YTHDC2: variants seen among roughly 807,000 people sequenced by gnomAD.
YTHDC2 encodes YTH N6-methyladenosine RNA binding protein C2.
In YTHDC2, 45 loss-of-function variants were observed where a neutral mutation model predicts 174.9. The observed-to-expected ratio is 0.26, with a 90% CI of 0.20 to 0.33. The LOEUF (loss-of-function observed/expected upper bound fraction) is 0.33, where lower values mean the gene tolerates loss of function less well. Ranked by LOEUF, YTHDC2 falls within the 10% of genes least tolerant of loss-of-function variation. YTHDC2 has a pLI of 1.00. For synonymous variants in YTHDC2, 657 were observed against 574.5 expected, an observed-to-expected ratio of 1.14 and a Z score of -2.05; for missense variants, 1,650 against 1,723.7, an observed-to-expected ratio of 0.96 and a Z score of 0.76.
chr5:113,562,350 A>G (rs1411017771), intron 18 of YTHDC2, among the ~76,000 whole-genome samples: 1 of 149,540 alleles, frequency 6.7e-6, no homozygotes, highest in Non-Finnish European at 1.5e-5. Context: ...GAAGATTAGC[A>G]GAATGCATTT....
chr5:113,573,629 T>C (rs571238321), intron 23 of YTHDC2, among the ~76,000 whole-genome samples: 18 of 152,324 alleles, frequency 1.2e-4, no homozygotes, highest in African/African-American at 4.1e-4. Flanking sequence ...AGCCTCTTTA[T>C]ATAATCCCAT....
At chr5:113,578,626 C>T (rs1423353384) in intron 23 of YTHDC2, among the ~76,000 whole-genome samples, 1 of 151,890 alleles carries the variant, frequency 6.6e-6, no homozygotes, top group African/African-American at 2.4e-5. Context: ...GGAGGCTGAC[C>T]TGTAGGGTTT....
intron 23 of YTHDC2, among the ~76,000 whole-genome samples, chr5:113,569,861 C>G (rs1218013156): frequency 1.3e-5 from 2 of 152,048 alleles, no homozygotes; most frequent in African/African-American, 4.8e-5. Context: ...GAAATCGTTT[C>G]TTCTAAGTCT....
At chr5:113,548,842 A>AT (rs1776060771) in intron 11 of YTHDC2, 113 bp from the exon 12 acceptor site, 4 of 1,176,578 alleles carry the variant, frequency 3.4e-6, no homozygotes, top group African/African-American at 1.6e-5. Context: ...AATTTATCTT[A>AT]TTTTTTATTT....
At chr5:113,574,382 A>G (rs1300603915) in intron 23 of YTHDC2, among the ~76,000 whole-genome samples, 1 of 152,098 alleles carries the variant, frequency 6.6e-6, no homozygotes, top group African/African-American at 2.4e-5. Flanking sequence ...GCCCACATGC[A>G]TCTGTAGGAG....
At chr5:113,514,717 G>T (rs1258923107) in intron 1 of YTHDC2, among the ~76,000 whole-genome samples, 1 of 151,944 alleles carries the variant, frequency 6.6e-6, no homozygotes, top group Non-Finnish European at 1.5e-5. Context: ...GTCCAAAACG[G>T]GGAATGTTCT....
Position 113,591,055 on chromosome 5 carries a change from T to C in YTHDC2, c.3840T>C (p.Pro1280=), listed in dbSNP as rs760934787. 2.5e-6 allele frequency: 4 copies of C among 1,613,694 alleles called. No individual in the cohort carries two copies. In the Admixed American group the frequency reaches 5.0e-5, roughly 20 times the overall value. ...TTCTTTTATAGGGCTCAAAATCTCC[T>C]TCGCCAAGACCAAACATGCCTGTTC... is the stretch of plus-strand genomic sequence containing the variant. ...PPSSGKGSKS[P]SPRPNMPVRY... is the part of the protein sequence containing the mutation. Residue 1280 remains proline, a synonymous_variant, in exon 27 of 30, where the codon CCT becomes CCC. Coordinates refer to ENST00000161863, the MANE Select transcript of YTHDC2 (RefSeq NM_022828.5).
chr5:113,526,945 A>T (rs984944075), intron 4 of YTHDC2, among the ~76,000 whole-genome samples, 160 bp downstream of exon 4: 5 of 151,720 alleles, frequency 3.3e-5, no homozygotes, highest in African/African-American at 1.2e-4. Context: ...TTATTTCAGA[A>T]GTAAATTACT....
chr5:113,576,803 A>T (rs1282351957), intron 23 of YTHDC2, among the ~76,000 whole-genome samples: 1 of 149,312 alleles, frequency 6.7e-6, no homozygotes. Context: ...TTTTTCTGTC[A>T]TGTTTAAGTC....
intron 5 of YTHDC2, among the ~76,000 whole-genome samples, chr5:113,533,664 G>A (rs928611509): frequency 6.6e-6 from 1 of 152,152 alleles, no homozygotes; most frequent in African/African-American, 2.4e-5. Context: ...GTACAGGTTT[G>A]ATGTGAAGTT....
At position 113,542,743 on chromosome 5, in the gene YTHDC2, G is replaced by A. The variant is rs1580533744; in HGVS notation, c.1495+240G>A. On this transcript the variant is annotated intron_variant, in intron 10 of 29. Transcript: ENST00000161863. ...TCTCCATTGCAGTTTGAAGAGCTGT[G>A]TGATTACATGACAATTATGTGCAAA... 3.3e-5 allele frequency among the ~76,000 whole-genome samples: 5 copies of A among 152,312 alleles called. 1 individual carries two copies. Among genetic ancestry groups the A allele is most frequent in the Admixed American group, 3.3e-4 (5 of 15,304 alleles).
intron 26 of YTHDC2, among the ~76,000 whole-genome samples, chr5:113,590,648 G>GCC (rs1340785080): frequency 1.2e-4 from 19 of 152,168 alleles, no homozygotes; most frequent in African/African-American, 4.3e-4. Context: ...GTGTCTTTCT[G>GCC]CACAACTTAA....
intron 4 of YTHDC2, among the ~76,000 whole-genome samples, chr5:113,531,673 C>T (rs1774680145): frequency 6.6e-6 from 1 of 151,862 alleles, no homozygotes; most frequent in African/African-American, 2.4e-5. Context: ...GACCGAGCCC[C>T]CACATCTGGA....
intron 4 of YTHDC2, among the ~76,000 whole-genome samples, chr5:113,528,224 A>G (rs1158747616): frequency 6.6e-6 from 1 of 152,142 alleles, no homozygotes; most frequent in Non-Finnish European, 1.5e-5. Context: ...TATGTGTATC[A>G]TTTTACTAGA....
intron 4 of YTHDC2, 26 bp downstream of exon 4, chr5:113,526,811 GAAAAAAA>G (rs58260423): frequency 8.1e-5 from 21 of 259,450 alleles, no homozygotes; most frequent in Non-Finnish European, 1.1e-4. Context: ...GTTGTTTATA[GAAAAAAA>G]AAAAAAAAAT....
chr5:113,556,784 C>G (rs1265263993), intron 17 of YTHDC2, among the ~76,000 whole-genome samples: 3 of 152,140 alleles, frequency 2.0e-5, no homozygotes, highest in African/African-American at 7.2e-5. Context: ...TTCCACTTGT[C>G]ATAATTTATC....
In YTHDC2 at chr5:113,524,969, A is replaced by G. The variant is rs1774116667; in HGVS notation, c.279-12A>G. On this transcript the variant is annotated splice_polypyrimidine_tract_variant and intron_variant, in intron 2 of 29. Transcript: ENST00000161863. Reference sequence around the variant, plus strand: ...TTTATATAGTAAATAAATGATTTTTATTAATATTCAGAAAGGGAGCAAATA... The same window carrying G: ...TTTATATAGTAAATAAATGATTTTTGTTAATATTCAGAAAGGGAGCAAATA... 1 of 1,556,720 alleles carries G rather than the reference A, an allele frequency of 6.4e-7. No homozygotes were observed. Among genetic ancestry groups the G allele is most frequent in the Non-Finnish European group, 8.7e-7 (1 of 1,154,464 alleles).
chr5:113,527,210 G>A (rs1463986362), intron 4 of YTHDC2, among the ~76,000 whole-genome samples: 1 of 152,102 alleles, frequency 6.6e-6, no homozygotes, highest in Non-Finnish European at 1.5e-5. Context: ...TTCACAGTGA[G>A]GTGTAGAGAT....
intron 13 of YTHDC2, 105 bp downstream of exon 13, chr5:113,553,464 A>T: frequency 7.1e-7 from 1 of 1,410,428 alleles, no homozygotes; most frequent in Non-Finnish European, 9.6e-7. Context: ...TAGTAAGTGA[A>T]TAATCTCCTG....
Sources: allele counts gnomAD v4.1 joint callset (sites outside exome capture counted in the v4.1 genomes callset), GRCh38; gene constraint gnomAD v4.1.1; transcripts MANE v1.5; gene names NCBI Gene and HGNC (gene_info 2026-07-23, HGNC 2026-07-21).